Variants in OGT observed in about 807,000 individuals in gnomAD.
OGT encodes the protein UDP-N-acetylglucosamine--peptide N-acetylglucosaminyltransferase 110 kDa subunit.
In OGT, 3 loss-of-function variants were observed where a neutral mutation model predicts 75.8. The ratio of observed to expected loss-of-function variants is 0.04; its 90% CI spans 0.02 to 0.10. The LOEUF (loss-of-function observed/expected upper bound fraction) is 0.10, where lower values mean the gene tolerates loss of function less well. OGT is among the 10% of genes least tolerant of loss of function. OGT has a pLI of 1.00. For synonymous variants in OGT, 257 were observed against 289.7 expected (o/e 0.89, Z 1.15); for missense variants, 260 against 824.4 (o/e 0.32, Z 8.38).
chrX:71,544,551 G>T lies in OGT; in HGVS notation c.463-16G>T. Reference sequence around the variant, plus strand: ...AAAGCAGAGTATAATTAATGACAGCGTCTCTGGGTTTCTAGGATTTGTACT... The same window carrying T: ...AAAGCAGAGTATAATTAATGACAGCTTCTCTGGGTTTCTAGGATTTGTACT... On this transcript the variant is annotated splice_polypyrimidine_tract_variant and intron_variant, in intron 3 of 21. Transcript: ENST00000373719. 1 of 1,200,836 alleles carries T rather than the reference G, an allele frequency of 8.3e-7. No individual in the cohort carries two copies.
intron 5 of OGT, among the ~76,000 whole-genome samples, chrX:71,553,943 T>C (rs897701919): frequency 1.8e-5 from 2 of 111,852 alleles, no homozygotes; most frequent in African/African-American, 6.5e-5. Flanking sequence ...CCTCGGTACC[T>C]TTTCTAGGAG....
chrX:71,558,111 A>G (rs1342821799), intron 12 of OGT, among the ~76,000 whole-genome samples: 1 of 109,544 alleles, frequency 9.1e-6, no homozygotes, highest in Non-Finnish European at 1.9e-5. Flanking sequence ...GCATGCCACC[A>G]CACCTAATTT....
At chrX:71,569,779 A>T (rs1279275641) in intron 21 of OGT, among the ~76,000 whole-genome samples, 1 of 108,826 alleles carries the variant, frequency 9.2e-6, no homozygotes, top group Non-Finnish European at 1.9e-5. Flanking sequence ...TCTGTCGCCC[A>T]GGCTGGAGTG....
At chrX:71,553,029 C>T (rs907077827) in intron 5 of OGT, among the ~76,000 whole-genome samples, 39 of 112,201 alleles carry the variant, frequency 3.5e-4, no homozygotes, top group African/African-American at 1.2e-3. Context: ...TATAGACAAT[C>T]TAAATTAAAT....
chrX:71,547,326 T>C (rs2040267221), intron 4 of OGT: 2 of 721,921 alleles, frequency 2.8e-6, no homozygotes, highest in Non-Finnish European at 3.3e-6. Flanking sequence ...TCTAATAAAA[T>C]GCCCAATGAA....
At chrX:71,538,304 C>T (rs968429537) in intron 3 of OGT, among the ~76,000 whole-genome samples, 1 of 112,511 alleles carries the variant, frequency 8.9e-6, no homozygotes, top group Non-Finnish European at 1.9e-5. Context: ...CAAGAAACTA[C>T]ATCAATTTTA....
At chrX:71,533,819 T>G (rs1453234545) in intron 1 of OGT, among the ~76,000 whole-genome samples, 1 of 109,515 alleles carries the variant, frequency 9.1e-6, no homozygotes, top group East Asian at 2.9e-4. Flanking sequence ...GGGGTGCCGT[T>G]CCGATGTAAT....
rs182470302 is a variant in OGT at position 71,573,940 on chromosome X, A to G, written c.*146A>G. Reference sequence around the variant, plus strand: ...AATGGTAATAGAATAGCACAGCCAGACTTGCTTCCTGCATGGTAGGGAGAG... The same window carrying G: ...AATGGTAATAGAATAGCACAGCCAGGCTTGCTTCCTGCATGGTAGGGAGAG... On this transcript the variant is annotated 3_prime_UTR_variant, in exon 22 of 22. Transcript: ENST00000373719. 7.6e-6 allele frequency: 3 copies of G among 394,811 alleles called. No individual in the cohort carries two copies. The highest frequency in any genetic ancestry group is 1.2e-5 in the Non-Finnish European group (3 of 240,256). 32.5% of individuals were successfully genotyped at this position (394,811 alleles called of 1,213,427 possible).
At chrX:71,570,802 G>A (rs1031563846) in intron 21 of OGT, among the ~76,000 whole-genome samples, 5 of 110,293 alleles carry the variant, frequency 4.5e-5, no homozygotes, top group African/African-American at 1.7e-4. Context: ...AATGTAGTGC[G>A]TTTTATTTTC....
At chrX:71,539,327 G>A (rs1000054185) in intron 3 of OGT, among the ~76,000 whole-genome samples, 2 of 112,273 alleles carry the variant, frequency 1.8e-5, no homozygotes, top group African/African-American at 3.2e-5. Flanking sequence ...GAGTTTAAAC[G>A]TGTCCTTTTT....
chrX:71,548,413 G>A (rs2040277103), intron 5 of OGT, among the ~76,000 whole-genome samples: 1 of 111,349 alleles, frequency 9.0e-6, no homozygotes, highest in African/African-American at 3.3e-5. Context: ...CTTAGCCTGA[G>A]TGACAGAGTG....
At chrX:71,546,710 G>A (rs1440912752) in intron 4 of OGT, 1 of 750,500 alleles carries the variant, frequency 1.3e-6, no homozygotes, top group Non-Finnish European at 1.6e-6. Flanking sequence ...AACTCTTCTT[G>A]TTGTTCATTT....
chrX:71,562,000 A>G, intron 15 of OGT, 100 bp downstream of exon 15: 1 of 849,778 alleles, frequency 1.2e-6, no homozygotes, highest in Admixed American at 3.4e-5. Context: ...TTGAAACTGT[A>G]GGGCAGACAT....
intron 19 of OGT, among the ~76,000 whole-genome samples, chrX:71,565,692 A>G (rs2040412144): frequency 8.9e-6 from 1 of 112,485 alleles, no homozygotes; most frequent in African/African-American, 3.2e-5. Context: ...CAGATGGTAA[A>G]TATTTTCAGT....
chrX:71,556,573 AT>A (rs1305628714), intron 8 of OGT, 106 bp from the exon 9 acceptor site: 3 of 429,449 alleles, frequency 7.0e-6, no homozygotes, highest in Non-Finnish European at 1.2e-5. Flanking sequence ...GTAGAGACAA[AT>A]TTAGGGGTTT....
Position 71,571,604 on chromosome X carries a change from G to A in OGT, c.2967-2016G>A, listed in dbSNP as rs769268536. On this transcript the variant is annotated intron_variant, in intron 21 of 21. Transcript: ENST00000373719. ...AGTAGAGGCAGGGTTTTGGCAGGTT[G>A]CCCAGGCTGGTCTCAAACTCCTGAC... Among the ~76,000 whole-genome samples the A allele has an allele frequency of 3.3e-4, 37 of 111,913 alleles. No individual in the cohort carries two copies. The East Asian group carries it at 9.8e-3, about 30-fold the overall frequency.
At chrX:71,566,958 C>T (rs1291476592) in intron 19 of OGT, among the ~76,000 whole-genome samples, 2 of 112,536 alleles carry the variant, frequency 1.8e-5, no homozygotes, top group Admixed American at 1.9e-4. Context: ...TCAAATCCAG[C>T]CCACTGCTTG....
rs150254522 is a variant in OGT, at chrX:71,563,051, A to G, written c.2148+34A>G. The G allele has an allele frequency of 8.8e-4, 1,047 of 1,192,910 alleles. 10 individuals are homozygous for G. The East Asian group carries it at 0.025, about 28-fold the overall frequency. On this transcript the variant is annotated intron_variant, in intron 16 of 21. Transcript: ENST00000373719. ...GAAACAGTGCTATGGACGAATTTCA[A>G]AGAACTGTAGCTTTTTATTTCCTTG...
In OGT at chrX:71,555,839, AT is replaced by A. The variant is rs3842473; in HGVS notation, c.925-114del. 0.15 allele frequency: 140,602 copies of A among 923,491 alleles called. 10,724 individuals are homozygous for A. Among genetic ancestry groups the A allele is most frequent in the East Asian group, 0.44 (14,004 of 31,739 alleles). 76.1% of individuals were successfully genotyped at this position (923,491 alleles called of 1,213,427 possible). A position where few individuals can be genotyped will look rare whatever the true frequency, so the allele number is the denominator to read the frequency against. ...GTTGAGGGTAAGAATACCAAAAAAT[AT>A]CAATTTTCTGTAGCATTACCAGCCA... On this transcript the variant is annotated intron_variant, in intron 7 of 21. Transcript: ENST00000373719.
Sources: gnomAD v4.1 joint callset for allele counts (sites outside exome capture counted in the v4.1 genomes callset) on GRCh38, gnomAD v4.1.1 for gene constraint, MANE v1.5 for transcripts, NCBI Gene and HGNC (gene_info 2026-07-23, HGNC 2026-07-21) for gene names.